Variants in SBF2 observed in about 807,000 individuals in gnomAD.
The protein encoded by SBF2 is SET binding factor 2, also known as myotubularin-related protein 13.
SBF2 carries 112 observed loss-of-function variants against 225.2 expected under a neutral mutation model. The observed-to-expected ratio is 0.50, with a 90% CI of 0.43 to 0.58. The LOEUF (loss-of-function observed/expected upper bound fraction) is 0.58, where lower values mean the gene tolerates loss of function less well. SBF2 is among the 20% of genes least tolerant of loss of function. SBF2 has a pLI of 0.00. For synonymous variants in SBF2, 763 were observed against 773.3 expected, an observed-to-expected ratio of 0.99 and a Z score of 0.22; for missense variants, 1,996 against 2,206.2, an observed-to-expected ratio of 0.90 and a Z score of 1.91.
At chr11:9,849,946 A>G in intron 22 of SBF2, 77 bp downstream of exon 22, 1 of 1,356,066 alleles carries the variant, frequency 7.4e-7, no homozygotes, top group Non-Finnish European at 1.1e-6. Context: ...ATGATCTGCA[A>G]ATCACTGTGC....
At chr11:10,122,335 C>T (rs1953504761) in intron 2 of SBF2, among the ~76,000 whole-genome samples, 1 of 152,092 alleles carries the variant, frequency 6.6e-6, no homozygotes, top group South Asian at 2.1e-4. Context: ...CAACTGATGG[C>T]AATCAAGTGG....
rs986194957 is a variant in SBF2 at position 9,782,062 on chromosome 11, C to T, written c.5320-424G>A. ...TCAGCCAATCGTGGTGGTGCATGCC[C>T]GTAGTTGCAGCTACCCAGGAGGCTG... is the stretch of plus-strand genomic sequence containing the variant. On this transcript the variant is annotated intron_variant, in intron 38 of 39. Transcript: ENST00000256190. 8.6e-5 allele frequency among the ~76,000 whole-genome samples: 13 copies of T among 151,680 alleles called. No homozygotes were observed. The South Asian group carries it at 2.3e-3, about 27-fold the overall frequency.
chr11:10,106,356 G>A (rs1265160632), intron 2 of SBF2, among the ~76,000 whole-genome samples: 1 of 152,228 alleles, frequency 6.6e-6, no homozygotes, highest in African/African-American at 2.4e-5. Flanking sequence ...GCCGGGCACA[G>A]TGGCTCATGC....
intron 2 of SBF2, among the ~76,000 whole-genome samples, chr11:10,108,841 G>A (rs1952701383): frequency 6.6e-6 from 1 of 151,420 alleles, no homozygotes; most frequent in Non-Finnish European, 1.5e-5. Context: ...AACTTTTTAA[G>A]GGGACTGTAT....
At chr11:9,940,950 T>G (rs1565036229) in intron 16 of SBF2, among the ~76,000 whole-genome samples, 1 of 152,166 alleles carries the variant, frequency 6.6e-6, no homozygotes, top group Admixed American at 6.5e-5. Flanking sequence ...AGACATGTTC[T>G]TAGGAAATAA....
chr11:10,211,308 T>C (rs1230662932), intron 1 of SBF2, among the ~76,000 whole-genome samples: 1 of 152,174 alleles, frequency 6.6e-6, no homozygotes, highest in Non-Finnish European at 1.5e-5. Flanking sequence ...TGGCAGTTTT[T>C]ATAGATTGTT....
chr11:10,216,121 TC>T (rs1226537779), intron 1 of SBF2, among the ~76,000 whole-genome samples: 1 of 152,206 alleles, frequency 6.6e-6, no homozygotes, highest in Non-Finnish European at 1.5e-5. Context: ...GAGTGGTCCT[TC>T]CCGATGCTTC....
intron 2 of SBF2, among the ~76,000 whole-genome samples, chr11:10,122,936 C>G (rs1191328706): frequency 1.3e-5 from 2 of 152,144 alleles, no homozygotes; most frequent in African/African-American, 4.8e-5. Flanking sequence ...ATAGCTTGTA[C>G]AGCATGTAGT....
At chr11:10,063,614 C>G (rs2134766724) in intron 2 of SBF2, among the ~76,000 whole-genome samples, 1 of 151,806 alleles carries the variant, frequency 6.6e-6, no homozygotes, top group East Asian at 1.9e-4. Flanking sequence ...GAGTCGGCCT[C>G]CCAAAGTGCT....
At chr11:9,842,965 T>TAAGA in intron 24 of SBF2, among the ~76,000 whole-genome samples, 195 bp from the exon 25 acceptor site, 1 of 152,218 alleles carries the variant, frequency 6.6e-6, no homozygotes, top group Non-Finnish European at 1.5e-5. Context: ...ACCACTGTCA[T>TAAGA]CAGGATACTG....
chr11:9,794,707 A>AAAAAAAAAC (rs61190267), intron 33 of SBF2, among the ~76,000 whole-genome samples: 1 of 147,782 alleles, frequency 6.8e-6, no homozygotes, highest in Non-Finnish European at 1.5e-5. Context: ...AAAAAAAAAA[A>AAAAAAAAAC]GACCAGGCCT....
intron 2 of SBF2, among the ~76,000 whole-genome samples, chr11:10,163,402 C>T (rs1345729988): frequency 6.6e-6 from 1 of 152,162 alleles, no homozygotes; most frequent in Non-Finnish European, 1.5e-5. Flanking sequence ...CCTAGAACTG[C>T]TCCTAATGAA....
intron 16 of SBF2, among the ~76,000 whole-genome samples, chr11:9,933,804 A>G (rs901024037): frequency 6.6e-6 from 1 of 152,242 alleles, no homozygotes; most frequent in African/African-American, 2.4e-5. Context: ...AGAAATAACT[A>G]AGATCAGAGC....
intron 29 of SBF2, among the ~76,000 whole-genome samples, chr11:9,815,022 C>A (rs1160617280): frequency 6.6e-6 from 1 of 151,976 alleles, no homozygotes; most frequent in Non-Finnish European, 1.5e-5. Flanking sequence ...TAGAATGTGG[C>A]ACATATCAGA....
intron 1 of SBF2, among the ~76,000 whole-genome samples, chr11:10,247,154 C>T (rs1324465631): frequency 6.6e-6 from 1 of 152,138 alleles, no homozygotes; most frequent in African/African-American, 2.4e-5. Flanking sequence ...TGGAATGTAA[C>T]ACTTTCCCAG....
At chr11:10,214,368 A>G (rs1291844267) in intron 1 of SBF2, among the ~76,000 whole-genome samples, 1 of 152,246 alleles carries the variant, frequency 6.6e-6, no homozygotes, top group Non-Finnish European at 1.5e-5. Context: ...TCACGCCTAT[A>G]ATCCCAACAC....
chr11:10,168,150 C>T lies in SBF2; in HGVS notation c.141+25752G>A, dbSNP rs530152410. Among the ~76,000 whole-genome samples the T allele has an allele frequency of 2.6e-5, 4 of 152,286 alleles. No individual in the cohort carries two copies. The East Asian group carries it at 5.8e-4, about 22-fold the overall frequency. On this transcript the variant is annotated intron_variant, in intron 2 of 39. Transcript: ENST00000256190. ...TATGGTTAGTACTGGTCTCTCTCCA[C>T]TAGAAATTTAAGTTCTGAGAAGACA...
At chr11:9,787,529 G>C in intron 36 of SBF2, 105 bp downstream of exon 36, 1 of 908,354 alleles carries the variant, frequency 1.1e-6, no homozygotes, top group South Asian at 1.4e-5. Flanking sequence ...CCTTCCTTCT[G>C]GCCATAAACC....
At chr11:9,958,220 A>C (rs992919002) in intron 16 of SBF2, 11 of 152,178 alleles carry the variant, frequency 7.2e-5, no homozygotes, top group Non-Finnish European at 1.5e-4. Context: ...TGTACTAAAA[A>C]GCTTCAGTGA....
Sources: allele counts gnomAD v4.1 joint callset (sites outside exome capture counted in the v4.1 genomes callset), GRCh38; gene constraint gnomAD v4.1.1; transcripts MANE v1.5; gene names NCBI Gene and HGNC (gene_info 2026-07-23, HGNC 2026-07-21).